PLXNB2: variants seen among roughly 807,000 people sequenced by gnomAD.
PLXNB2 encodes plexin B2.
A neutral mutation model predicts 202.6 loss-of-function variants in PLXNB2; 85 were observed. The observed-to-expected ratio is 0.42, with a 90% CI of 0.35 to 0.50. The LOEUF is 0.50. Among genes scored for constraint, PLXNB2 ranks in the 20% least tolerant of loss-of-function variants. The probability of loss-of-function intolerance (pLI) is 0.02; values close to 1 mark genes in which losing one functional copy is unlikely to be tolerated. For synonymous variants in PLXNB2, 1,239 were observed against 1,137.6 expected (o/e 1.09, Z -1.79); for missense variants, 2,063 against 2,586.2 (o/e 0.80, Z 4.39).
At position 50,289,656 on chromosome 22, in the gene PLXNB2, C is replaced by T; in HGVS notation, c.929G>A (p.Gly310Asp). The T allele has an allele frequency of 6.2e-7, 1 of 1,609,608 alleles. No individual in the cohort carries two copies. Among genetic ancestry groups the T allele is most frequent in the Non-Finnish European group, 8.5e-7 (1 of 1,179,778 alleles). The change falls in exon 3 of 37, where the codon GGC (glycine) becomes GAC (aspartate). Residue 310 changes from glycine (G) to aspartate (D), a missense_variant. Gly to Asp is a moderately conservative substitution (Grantham distance 94). Transcript: ENST00000359337. This position sits in a 1 kb window ranked among gnomAD's most constrained non-coding sequence, Gnocchi z 8.0. ...CTTGTCCAGCGGGAACAGGCAGAGG[C>T]CCGCACCGGGCCCCCCACTGCTCCG... ...DSRSSGGPGA[G>D]LCLFPLDKVH...
In PLXNB2 at chr22:50,281,411, A is replaced by G. The variant is rs1425765342; in HGVS notation, c.3611T>C (p.Leu1204Pro). Residue 1204 changes from leucine (L) to proline (P), a missense_variant, in exon 22 of 37, where the codon CTG becomes CCG. Physicochemically the swap from Leu to Pro is moderately conservative, Grantham distance 98 (BLOSUM62 -3). This residue lies in a region of PLXNB2 where 760 missense variants were observed against 1,109.4 expected (regional missense o/e 0.69). Transcript: ENST00000359337. ...SDVPLSLILP[L>P]VIVPMVVVIA... ...GACGACCACCATGGGCACGATGACC[A>G]GCGGCAAGATGAGGCTGAGCGGCAC... The G allele has an allele frequency of 1.2e-6, 2 of 1,612,480 alleles. No individual in the cohort carries two copies. Among genetic ancestry groups the G allele is most frequent in the Non-Finnish European group, 1.7e-6 (2 of 1,179,778 alleles).
intron 27 of PLXNB2, 34 bp downstream of exon 27, chr22:50,279,596 G>A (rs1469481057): frequency 1.2e-6 from 2 of 1,608,144 alleles, no homozygotes; most frequent in African/African-American, 2.7e-5. Context: ...CCAGATCCGA[G>A]GCGCCCATGG....
rs1184429659 is a variant in PLXNB2 at position 50,284,432 on chromosome 22, C to G, written c.2181+141G>C. ...GGCAGAGGGGGCTTCCCCAGCAGCA[C>G]AGGGCATGGCGAGCCCCTGGCTGGG... On this transcript the variant is annotated intron_variant, in intron 12 of 36. Coordinates refer to ENST00000359337, the MANE Select transcript of PLXNB2 (RefSeq NM_012401.4). The surrounding 1 kb of genome is among the most constrained non-coding windows in gnomAD (Gnocchi z 8.0). 2 of 740,402 alleles carry G rather than the reference C, an allele frequency of 2.7e-6. No individual in the cohort carries two copies. Among genetic ancestry groups the G allele is most frequent in the Non-Finnish European group, 4.6e-6 (2 of 439,424 alleles). 45.9% of individuals were successfully genotyped at this position (740,402 alleles called of 1,614,324 possible). A position where few individuals can be genotyped will look rare whatever the true frequency, so the allele number is the denominator to read the frequency against.
chr22:50,275,620 G>A lies in PLXNB2; in HGVS notation c.*84C>T, dbSNP rs577054205. 822 of 979,802 alleles carry A rather than the reference G, an allele frequency of 8.4e-4. 8 individuals are homozygous for A. The South Asian group carries it at 0.012, about 15-fold the overall frequency. 60.7% of individuals were successfully genotyped at this position (979,802 alleles called of 1,614,324 possible). ...GTTCCAGGGGAGGGTGGGGGCCTCA[G>A]CCACAGCCACTCGGCCTCCTCCCCT... On this transcript the variant is annotated 3_prime_UTR_variant, in exon 37 of 37. Transcript: ENST00000359337.
At chr22:50,305,678 G>A (rs951452577) in intron 1 of PLXNB2, among the ~76,000 whole-genome samples, 10 of 152,250 alleles carry the variant, frequency 6.6e-5, no homozygotes, top group African/African-American at 2.2e-4. Context: ...GCCTAGCCTC[G>A]CTCCTGCCTG....
rs370412897 is a variant in PLXNB2, at chr22:50,283,844, C to G, written c.2410G>C (p.Val804Leu). ...CNTTSECPPP[V>L]ITRIQPETGP... is the part of the protein sequence containing the mutation. Reference sequence around the variant, plus strand: ...TTCGAGGGGCTCACCCTGGTGATGACGGGCGGCGGGCACTCGGAGGTGGTG... The same window carrying G: ...TTCGAGGGGCTCACCCTGGTGATGAGGGGCGGCGGGCACTCGGAGGTGGTG... The change falls in exon 14 of 37, where the codon GTC (valine) becomes CTC (leucine). Residue 804 changes from valine to leucine, a missense_variant. Around this residue, in one of 2 missense-constraint regions of PLXNB2, gnomAD observed 1,303 missense variants for 1,476.8 expected, o/e 0.88. Transcript: ENST00000359337. 6 of 1,608,218 alleles carry G rather than the reference C, an allele frequency of 3.7e-6. No homozygotes were observed. In the Admixed American group the frequency reaches 8.4e-5, roughly 22 times the overall value.
rs1601722565 is a variant in PLXNB2, at chr22:50,288,256, G to A, written c.1381-219C>T. 6.6e-6 allele frequency among the ~76,000 whole-genome samples: 1 copy of A among 152,090 alleles called. No homozygotes were observed. Among genetic ancestry groups the A allele is most frequent in the African/African-American group, 2.4e-5 (1 of 41,402 alleles). On this transcript the variant is annotated intron_variant, in intron 5 of 36. Coordinates refer to ENST00000359337, the MANE Select transcript of PLXNB2 (RefSeq NM_012401.4). The surrounding 1 kb of genome is among the most constrained non-coding windows in gnomAD (Gnocchi z 5.0). Reference sequence around the variant, plus strand: ...AGGGAAGCCTGGAGGTCTTGGCTATGGTGTCTCCCGGGGCAGCTCCTGTCC... The same window carrying A: ...AGGGAAGCCTGGAGGTCTTGGCTATAGTGTCTCCCGGGGCAGCTCCTGTCC...
In PLXNB2 at chr22:50,297,259, C is replaced by T. The variant is rs1453779366; in HGVS notation, c.-73-2481G>A. Among the ~76,000 whole-genome samples the T allele has an allele frequency of 6.6e-6, 1 of 152,172 alleles. No individual in the cohort carries two copies. The highest frequency in any genetic ancestry group is 1.5e-5 in the Non-Finnish European group (1 of 68,016). On this transcript the variant is annotated intron_variant, in intron 1 of 36. Transcript: ENST00000359337. The surrounding 1 kb of genome is among the most constrained non-coding windows in gnomAD (Gnocchi z 5.3). ...ACTCCCTGCAGCACACCCCCAGGCT[C>T]CAGCCTCCACGGGCCCAGGCCCCAG...
intron 1 of PLXNB2, among the ~76,000 whole-genome samples, chr22:50,307,105 TC>T (rs886072317): frequency 2.6e-5 from 4 of 151,432 alleles, no homozygotes; most frequent in African/African-American, 9.7e-5. Context: ...TCCGCCCTGG[TC>T]CCCCCGCGCC....
rs1044064443 is a variant in PLXNB2, at chr22:50,284,391, C to A, written c.2182-178G>T. The A allele has an allele frequency of 5.4e-6, 4 of 734,120 alleles. No homozygotes were observed. Among genetic ancestry groups the A allele is most frequent in the Non-Finnish European group, 9.2e-6 (4 of 434,470 alleles). 45.5% of individuals were successfully genotyped at this position (734,120 alleles called of 1,614,324 possible). A position where few individuals can be genotyped will look rare whatever the true frequency, so the allele number is the denominator to read the frequency against. On this transcript the variant is annotated intron_variant, in intron 12 of 36. Coordinates refer to ENST00000359337, the MANE Select transcript of PLXNB2 (RefSeq NM_012401.4). The surrounding 1 kb of genome is among the most constrained non-coding windows in gnomAD (Gnocchi z 8.0). ...TGGACGCTGCTCTGTGCCACTCTGT[C>A]CCCAGGGAGGCAGAGGGCAGAGGGG...
At chr22:50,287,611 GC>G (rs764826372) in intron 7 of PLXNB2, 55 bp downstream of exon 7, 541 of 1,472,480 alleles carry the variant, frequency 3.7e-4, no homozygotes, top group Non-Finnish European at 4.7e-4. Flanking sequence ...GCATGGGGGA[GC>G]CCCCACCTGG....
At position 50,280,628 on chromosome 22, in the gene PLXNB2, C is replaced by G. The variant is rs769778490; in HGVS notation, c.4036G>C (p.Ala1346Pro). The G allele has an allele frequency of 6.2e-7, 1 of 1,612,618 alleles. No homozygotes were observed. Among genetic ancestry groups the G allele is most frequent in the Non-Finnish European group, 8.5e-7 (1 of 1,179,860 alleles). The change falls in exon 25 of 37, where the codon GCC becomes CCC. Residue 1346 changes from alanine to proline, a missense_variant. Physicochemically the swap from Ala to Pro is conservative, Grantham distance 27 (BLOSUM62 -1). This residue lies in a region of PLXNB2 where 760 missense variants were observed against 1,109.4 expected (regional missense o/e 0.69). Coordinates refer to ENST00000359337, the MANE Select transcript of PLXNB2 (RefSeq NM_012401.4). ...AGCAGGGACGCGAAGTAGACCTTGGCGCGGGCCGAGAACTCCCGCTGGTTC... is the reference window on the plus strand; with the variant it reads ...AGCAGGGACGCGAAGTAGACCTTGGGGCGGGCCGAGAACTCCCGCTGGTTC... ...LENQREFSAR[A>P]KVYFASLLTV... is the part of the protein sequence containing the mutation.
Position 50,282,302 on chromosome 22 carries a change from C to CTGCG in PLXNB2, c.2995_2998dup (p.Ser1000ThrfsTer35). The CTGCG allele has an allele frequency of 6.2e-7, 1 of 1,609,604 alleles. No homozygotes were observed. The highest frequency in any genetic ancestry group is 8.5e-7 in the Non-Finnish European group (1 of 1,178,372). ...GAAGCCCTGACCCGTGACGTTGATG[C>CTGCG]TGCGGCCACCACTGCGGAGGGCAGT... On this transcript the variant is annotated frameshift_variant, in exon 19 of 37. Transcript: ENST00000359337. LOFTEE classifies it high-confidence loss of function.
chr22:50,299,776 TCAGCCCGG>T, intron 1 of PLXNB2, among the ~76,000 whole-genome samples: 1 of 152,056 alleles, frequency 6.6e-6, no homozygotes, highest in East Asian at 1.9e-4. Flanking sequence ...GGGTCAGAGT[TCAGCCCGG>T]GAGGCGGGGG....
rs2066868738 is a variant in PLXNB2, at chr22:50,291,523, C to T, written c.-13-926G>A. Among the ~76,000 whole-genome samples the T allele has an allele frequency of 6.6e-6, 1 of 152,036 alleles. No homozygotes were observed. The highest frequency in any genetic ancestry group is 2.4e-5 in the African/African-American group (1 of 41,386). On this transcript the variant is annotated intron_variant, in intron 2 of 36. Coordinates refer to ENST00000359337, the MANE Select transcript of PLXNB2 (RefSeq NM_012401.4). This position sits in a 1 kb window ranked among gnomAD's most constrained non-coding sequence, Gnocchi z 4.3. Reference sequence around the variant, plus strand: ...GGACCAGGCTGAGCTGAGGGTCTCCCAATAGGAGGAAGATCCAAGGCCCCA... The same window carrying T: ...GGACCAGGCTGAGCTGAGGGTCTCCTAATAGGAGGAAGATCCAAGGCCCCA...
chr22:50,278,566 G>A (rs2065773884), intron 29 of PLXNB2, 30 bp downstream of exon 29: 1 of 1,601,796 alleles, frequency 6.2e-7, no homozygotes, highest in African/African-American at 1.3e-5. Context: ...AGGGTGCCCA[G>A]TTCTCGCCCG....
intron 35 of PLXNB2, 26 bp downstream of exon 35, chr22:50,276,603 G>A: frequency 6.3e-7 from 1 of 1,588,644 alleles, no homozygotes; most frequent in Non-Finnish European, 8.6e-7. Context: ...GGAGGGCTGT[G>A]GGTGCGTCCC....
intron 23 of PLXNB2, 43 bp from the exon 24 acceptor site, chr22:50,281,016 C>T (rs2065947037): frequency 6.3e-7 from 1 of 1,596,334 alleles, no homozygotes; most frequent in Non-Finnish European, 8.6e-7. Flanking sequence ...CACGTGGGGC[C>T]CTGACCCCCA....
At position 50,287,150 on chromosome 22, in the gene PLXNB2, T is replaced by G. The variant is rs1316368705; in HGVS notation, c.1723A>C (p.Asn575His). ...ARVEGEAVIC[N>H]SPSSIPVTPP... ...GTGACGGGGATGCTGCTTGGGGAGT[T>G]GCAGATGACGGCCTCGCCCTCCACG... Residue 575 changes from asparagine to histidine, a missense_variant, in exon 8 of 37, where the codon AAC (asparagine) becomes CAC (histidine). This residue lies in a region of PLXNB2 where 1,303 missense variants were observed against 1,476.8 expected (regional missense o/e 0.88). Coordinates refer to ENST00000359337, the MANE Select transcript of PLXNB2 (RefSeq NM_012401.4). The G allele has an allele frequency of 1.9e-6, 3 of 1,543,594 alleles. No homozygotes were observed. Among genetic ancestry groups the G allele is most frequent in the Non-Finnish European group, 2.6e-6 (3 of 1,143,464 alleles).
Sources: allele counts gnomAD v4.1 joint callset (sites outside exome capture counted in the v4.1 genomes callset), GRCh38; gene constraint gnomAD v4.1.1; regional missense constraint gnomAD v4.1.1; non-coding constraint Gnocchi (gnomAD v3.1); transcripts MANE v1.5; gene names NCBI Gene and HGNC (gene_info 2026-07-23, HGNC 2026-07-21).